Variants in NWD2 observed in about 807,000 individuals in gnomAD.
NWD2 encodes the protein NACHT and WD repeat domain-containing protein 2.
NWD2 carries 37 observed loss-of-function variants against 132.7 expected under a neutral mutation model. The observed-to-expected ratio is 0.28, with a 90% CI of 0.21 to 0.37. The LOEUF is 0.37. Among genes scored for constraint, NWD2 ranks in the 10% least tolerant of loss-of-function variants. The pLI is 1.00. For synonymous variants in NWD2, 705 were observed against 803.0 expected, an observed-to-expected ratio of 0.88 and a Z score of 2.06; for missense variants, 1,592 against 2,122.4, an observed-to-expected ratio of 0.75 and a Z score of 4.91.
rs1712531260 is a variant in NWD2 at position 37,443,192 on chromosome 4, G to T, written c.1297-93G>T. On this transcript the variant is annotated intron_variant, in intron 6 of 6. Transcript: ENST00000309447. The surrounding 1 kb of genome is among the most constrained non-coding windows in gnomAD (Gnocchi z 4.1). ...AAGCTATTTCCTGCACAGCAGAGGA[G>T]ACCAGAAATCTGAGCTCTGGAGAGA... 1 of 1,130,784 alleles carries T rather than the reference G, an allele frequency of 8.8e-7. No homozygotes were observed. The highest frequency in any genetic ancestry group is 1.2e-6 in the Non-Finnish European group (1 of 811,290). The allele number at this position is 1,130,784 out of a possible 1,614,324, so 70.0% of individuals were successfully genotyped here. A position where few individuals can be genotyped will look rare whatever the true frequency, so the allele number is the denominator to read the frequency against.
intron 5 of NWD2, among the ~76,000 whole-genome samples, chr4:37,436,714 T>C (rs1163048370): frequency 2.6e-5 from 4 of 152,162 alleles, no homozygotes; most frequent in Non-Finnish European, 4.4e-5. Context: ...TAGCAAGCTG[T>C]TAATCCAACC....
intron 3 of NWD2, among the ~76,000 whole-genome samples, chr4:37,368,937 T>C (rs183639508): frequency 2.6e-5 from 4 of 152,264 alleles, no homozygotes; most frequent in Admixed American, 2.6e-4. Context: ...AATGTCATGA[T>C]CCAGATGAAA....
chr4:37,406,679 C>T (rs548724453), intron 3 of NWD2, among the ~76,000 whole-genome samples: 1 of 152,104 alleles, frequency 6.6e-6, no homozygotes, highest in Non-Finnish European at 1.5e-5. Flanking sequence ...GAGTGGATTA[C>T]CTGAGGTCAC....
intron 3 of NWD2, among the ~76,000 whole-genome samples, chr4:37,394,010 T>C (rs544506362): frequency 1.3e-5 from 2 of 152,330 alleles, no homozygotes; most frequent in Non-Finnish European, 2.9e-5. Flanking sequence ...GGAAAATTAA[T>C]TGGGGAAGAG....
chr4:37,290,902 A>G (rs1718347190), intron 1 of NWD2, among the ~76,000 whole-genome samples: 3 of 152,214 alleles, frequency 2.0e-5, no homozygotes, highest in Admixed American at 2.0e-4. Context: ...TTCAGCAAGA[A>G]GCAGTTCTGA....
At chr4:37,299,953 C>A (rs1286745789) in intron 1 of NWD2, among the ~76,000 whole-genome samples, 1 of 152,086 alleles carries the variant, frequency 6.6e-6, no homozygotes, top group Non-Finnish European at 1.5e-5. Context: ...TATAATTTAA[C>A]CCCCATACAC....
intron 1 of NWD2, among the ~76,000 whole-genome samples, chr4:37,310,158 C>G (rs1399885973): frequency 2.0e-5 from 3 of 152,184 alleles, no homozygotes; most frequent in Non-Finnish European, 4.4e-5. Flanking sequence ...TTAAAAGTCA[C>G]CAAGATTTAA....
intron 1 of NWD2, among the ~76,000 whole-genome samples, chr4:37,307,038 A>AG (rs1577662477): frequency 6.7e-6 from 1 of 149,082 alleles, no homozygotes; most frequent in South Asian, 2.1e-4. Context: ...AAAAAAAAAA[A>AG]GAATGTTCTA....
In NWD2 at chr4:37,446,679, C is replaced by G. The variant is rs1712644861; in HGVS notation, c.4691C>G (p.Ser1564Cys). ...GGTAAATTGCGGGTGGTTCACGCCT[C>G]TGGGATCATCTGGCGGCAGAGGTTG... ...YSGKLRVVHASGIIWRQRLSR... is the reference protein window; with the variant it reads ...YSGKLRVVHACGIIWRQRLSR... Residue 1564 changes from serine (S) to cysteine (C), a missense_variant, in exon 7 of 7, where the codon TCT (serine) becomes TGT (cysteine). Around this residue, in one of 7 missense-constraint regions of NWD2, gnomAD observed 257 missense variants for 335.0 expected, o/e 0.77. Coordinates refer to ENST00000309447, the MANE Select transcript of NWD2 (RefSeq NM_001144990.2). The surrounding 1 kb of genome is among the most constrained non-coding windows in gnomAD (Gnocchi z 6.7). 1 of 1,550,710 alleles carries G rather than the reference C, an allele frequency of 6.4e-7. No homozygotes were observed. The highest frequency in any genetic ancestry group is 8.7e-7 in the Non-Finnish European group (1 of 1,146,890).
At chr4:37,273,839 A>T (rs1315692446) in intron 1 of NWD2, among the ~76,000 whole-genome samples, 1 of 152,200 alleles carries the variant, frequency 6.6e-6, no homozygotes, top group African/African-American at 2.4e-5. Context: ...TACTGGGTAC[A>T]TAACGAAATG....
At chr4:37,293,258 G>C (rs769991794) in intron 1 of NWD2, among the ~76,000 whole-genome samples, 1 of 151,872 alleles carries the variant, frequency 6.6e-6, no homozygotes, top group African/African-American at 2.4e-5. Context: ...TTAGCATCAC[G>C]TGCTCTCCTG....
chr4:37,281,579 G>A (rs1718131340), intron 1 of NWD2, among the ~76,000 whole-genome samples: 1 of 151,974 alleles, frequency 6.6e-6, no homozygotes, highest in Non-Finnish European at 1.5e-5. Context: ...GTGTTAAATC[G>A]TTCTTTCTCT....
intron 1 of NWD2, among the ~76,000 whole-genome samples, chr4:37,249,254 C>CA (rs1428397945): frequency 6.6e-6 from 1 of 152,218 alleles, no homozygotes; most frequent in African/African-American, 2.4e-5. Flanking sequence ...ATCAAGGACT[C>CA]AGGTTACTTC....
chr4:37,388,655 A>G (rs201462845), intron 3 of NWD2, among the ~76,000 whole-genome samples: 6 of 140,818 alleles, frequency 4.3e-5, no homozygotes, highest in African/African-American at 8.2e-5. Flanking sequence ...TATATATATC[A>G]TATATATCAT....
chr4:37,398,428 C>T (rs958073350), intron 3 of NWD2, among the ~76,000 whole-genome samples: 2 of 152,090 alleles, frequency 1.3e-5, no homozygotes, highest in African/African-American at 4.8e-5. Context: ...GGGAGGGGAA[C>T]GTCACACACT....
intron 3 of NWD2, among the ~76,000 whole-genome samples, chr4:37,397,652 C>G (rs1720824851): frequency 6.6e-6 from 1 of 152,164 alleles, no homozygotes; most frequent in African/African-American, 2.4e-5. Context: ...ACCAATTCCC[C>G]AGCGTTCTCA....
chr4:37,322,665 G>A (rs1719091797), intron 1 of NWD2, among the ~76,000 whole-genome samples: 1 of 152,152 alleles, frequency 6.6e-6, no homozygotes, highest in Non-Finnish European at 1.5e-5. Flanking sequence ...CAGTCTGGTT[G>A]CTCCATGGAG....
chr4:37,317,278 T>TA (rs1718977038), intron 1 of NWD2, among the ~76,000 whole-genome samples: 1 of 152,188 alleles, frequency 6.6e-6, no homozygotes, highest in African/African-American at 2.4e-5. Flanking sequence ...CTTTCAATCT[T>TA]TCTTAAGTTT....
At chr4:37,274,178 C>T (rs555042603) in intron 1 of NWD2, among the ~76,000 whole-genome samples, 3 of 151,866 alleles carry the variant, frequency 2.0e-5, no homozygotes, top group East Asian at 1.9e-4. Context: ...ATTGATAGAC[C>T]GCTAGCAAGA....
Sources: gnomAD v4.1 joint callset for allele counts (sites outside exome capture counted in the v4.1 genomes callset) on GRCh38, gnomAD v4.1.1 for gene constraint, gnomAD v4.1.1 regional missense constraint, Gnocchi (gnomAD v3.1) non-coding constraint, MANE v1.5 for transcripts, NCBI Gene and HGNC (gene_info 2026-07-23, HGNC 2026-07-21) for gene names.